Variants in FAF1 observed in about 807,000 individuals in gnomAD.
FAF1 encodes the protein FAS-associated factor 1.
A neutral mutation model predicts 92.5 loss-of-function variants in FAF1; 25 were observed. The observed-to-expected ratio is 0.27, with a 90% confidence interval of 0.20 to 0.38. The LOEUF is 0.38. Among genes scored for constraint, FAF1 ranks in the 10% least tolerant of loss-of-function variants. The pLI, the probability that FAF1 is intolerant of heterozygous loss-of-function variation, is 1.00. For missense variants in FAF1, 636 were observed against 793.3 expected (o/e 0.80, Z 2.38); for synonymous variants, 234 against 273.2 (o/e 0.86, Z 1.42).
intron 12 of FAF1, among the ~76,000 whole-genome samples, chr1:50,568,245 T>C (rs998794894): frequency 6.6e-6 from 1 of 152,140 alleles, no homozygotes; most frequent in African/African-American, 2.4e-5. Flanking sequence ...AAACCAATCT[T>C]TGAAATTCTG....
In FAF1 at chr1:50,475,628, T is replaced by C; in HGVS notation, c.1705A>G (p.Asn569Asp). 6.2e-7 allele frequency: 1 copy of C among 1,614,058 alleles called. No homozygotes were observed. Among genetic ancestry groups the C allele is most frequent in the Non-Finnish European group, 8.5e-7 (1 of 1,179,986 alleles). Reference sequence around the variant, plus strand: ...CGCAGTTTGCTCACAGGCTCAGCATTTTCTTCCTTTGGCTCAGGAGGCAGG... The same window carrying C: ...CGCAGTTTGCTCACAGGCTCAGCATCTTCTTCCTTTGGCTCAGGAGGCAGG... ...QALPPEPKEE[N>D]AEPVSKLRIR... Residue 569 changes from asparagine (N) to aspartate (D), a missense_variant, in exon 18 of 19, where the codon AAT (asparagine) becomes GAT (aspartate). This residue lies in a region of FAF1 where 319 missense variants were observed against 451.0 expected (regional missense o/e 0.71). Coordinates refer to ENST00000396153, the MANE Select transcript of FAF1 (RefSeq NM_007051.3).
chr1:50,576,976 A>G (rs141960327), intron 12 of FAF1, among the ~76,000 whole-genome samples: 26 of 151,942 alleles, frequency 1.7e-4, no homozygotes, highest in Non-Finnish European at 3.4e-4. Flanking sequence ...CTAAAAACAG[A>G]TTTTAAATGT....
intron 3 of FAF1, among the ~76,000 whole-genome samples, chr1:50,799,241 T>G (rs1189035767): frequency 1.3e-5 from 2 of 152,258 alleles, no homozygotes; most frequent in Admixed American, 6.5e-5. Flanking sequence ...CTTCTATGCT[T>G]GTGAACTTGG....
chr1:50,669,320 A>G (rs1370021724), intron 7 of FAF1, among the ~76,000 whole-genome samples: 2 of 152,200 alleles, frequency 1.3e-5, no homozygotes, highest in Non-Finnish European at 2.9e-5. Flanking sequence ...AATTTACTTA[A>G]TAAGATAAAG....
intron 18 of FAF1, among the ~76,000 whole-genome samples, chr1:50,461,204 T>G (rs1646425235): frequency 6.6e-6 from 1 of 152,222 alleles, no homozygotes; most frequent in African/African-American, 2.4e-5. Flanking sequence ...AATAATATTC[T>G]AATTTCTTAA....
In FAF1 at chr1:50,650,892, A is replaced by C. The variant is rs116411807; in HGVS notation, c.744+4550T>G. On this transcript the variant is annotated intron_variant, in intron 8 of 18. Transcript: ENST00000396153. ...CATGAAAACATTTTCCTACTGGTAA[A>C]GCTTTAGATACCTATTTCCCTGATC... Among the ~76,000 whole-genome samples the C allele has an allele frequency of 9.9e-3, 1,511 of 152,298 alleles. 23 individuals carry two copies. Among genetic ancestry groups the C allele is most frequent in the African/African-American group, 0.034 (1,432 of 41,540 alleles).
At position 50,740,834 on chromosome 1, in the gene FAF1, A is replaced by AAC. The variant is rs147632431; in HGVS notation, c.460-1882_460-1881dup. Among the ~76,000 whole-genome samples, 1,262 of 150,918 alleles carry AAC rather than the reference A, an allele frequency of 8.4e-3. 4 individuals are homozygous for AAC. The highest frequency in any genetic ancestry group is 0.024 in the Middle Eastern group (7 of 292). On this transcript the variant is annotated intron_variant, in intron 5 of 18. Transcript: ENST00000396153. ...ATCTCTATAGAGTTAACATGCAAAC[A>AAC]ACACACACACACACACACAAATTAT...
chr1:50,918,111 A>G (rs1644933981), intron 1 of FAF1, among the ~76,000 whole-genome samples: 1 of 151,916 alleles, frequency 6.6e-6, no homozygotes, highest in African/African-American at 2.4e-5. Flanking sequence ...CCCTGCCTAT[A>G]TAATTATTAA....
intron 1 of FAF1, among the ~76,000 whole-genome samples, chr1:50,945,140 C>T (rs576045029): frequency 6.6e-6 from 1 of 152,170 alleles, no homozygotes; most frequent in Admixed American, 6.5e-5. Flanking sequence ...AATACCTTGA[C>T]AATCAGTTCA....
At chr1:50,515,844 C>A (rs567955300) in intron 15 of FAF1, among the ~76,000 whole-genome samples, 5 of 152,236 alleles carry the variant, frequency 3.3e-5, no homozygotes, top group Non-Finnish European at 4.4e-5. Context: ...TTCTTTCCCA[C>A]ATATCCCAAG....
At chr1:50,527,495 A>G (rs1202945877) in intron 15 of FAF1, among the ~76,000 whole-genome samples, 1 of 152,116 alleles carries the variant, frequency 6.6e-6, no homozygotes, top group Non-Finnish European at 1.5e-5. Context: ...AACAGTACTG[A>G]TTCTGCCTCA....
chr1:50,819,879 A>ATATATGTAAATATATTTATATATT (rs1553143058), intron 2 of FAF1, among the ~76,000 whole-genome samples: 1 of 145,420 alleles, frequency 6.9e-6, no homozygotes, highest in Non-Finnish European at 1.5e-5. Context: ...TTATTTATTT[A>ATATATGTAAATATATTTATATATT]TATATGTAAA....
chr1:50,648,881 G>A (rs559506274), intron 8 of FAF1, among the ~76,000 whole-genome samples: 37 of 152,300 alleles, frequency 2.4e-4, no homozygotes, highest in South Asian at 2.1e-4. Context: ...AGCCAAGATC[G>A]TGCCATTGCA....
intron 5 of FAF1, among the ~76,000 whole-genome samples, chr1:50,740,022 C>T: frequency 8.9e-6 from 1 of 112,242 alleles, no homozygotes; most frequent in Non-Finnish European, 1.8e-5. Context: ...CCAGGAAATG[C>T]ACTTATCAAC....
intron 7 of FAF1, among the ~76,000 whole-genome samples, chr1:50,661,473 G>A (rs1199080690): frequency 6.6e-6 from 1 of 151,970 alleles, no homozygotes; most frequent in African/African-American, 2.4e-5. Context: ...AGATACTATC[G>A]CACATCATAG....
intron 5 of FAF1, among the ~76,000 whole-genome samples, chr1:50,740,947 C>G (rs948956923): frequency 1.3e-5 from 2 of 152,146 alleles, no homozygotes; most frequent in Non-Finnish European, 2.9e-5. Context: ...TTCCATGCCA[C>G]TATCCAAAGA....
chr1:50,736,843 C>T (rs1659160901), intron 6 of FAF1, among the ~76,000 whole-genome samples: 1 of 151,958 alleles, frequency 6.6e-6, no homozygotes, highest in South Asian at 2.1e-4. Context: ...ATAATTATTA[C>T]CATCAACTTT....
chr1:50,710,665 C>T lies in FAF1; in HGVS notation c.552-4774G>A, dbSNP rs368756215. The stretch of plus-strand genomic sequence containing the variant: ...TCACCCAGGCTGGAGTGCAGTGGTG[C>T]GACCTCGGCTCACTGAAACCTCTGC... On this transcript the variant is annotated intron_variant, in intron 6 of 18. Transcript: ENST00000396153. Among the ~76,000 whole-genome samples, 23 of 151,300 alleles carry T rather than the reference C, an allele frequency of 1.5e-4. No homozygotes were observed. The East Asian group carries it at 2.5e-3, about 17-fold the overall frequency.
intron 8 of FAF1, among the ~76,000 whole-genome samples, chr1:50,628,545 T>C (rs1653615456): frequency 6.6e-6 from 1 of 152,218 alleles, no homozygotes; most frequent in African/African-American, 2.4e-5. Context: ...TAGTAAACCC[T>C]TGGCTAACAG....
Sources: gnomAD v4.1 joint callset for allele counts (sites outside exome capture counted in the v4.1 genomes callset) on GRCh38, gnomAD v4.1.1 for gene constraint, gnomAD v4.1.1 regional missense constraint, MANE v1.5 for transcripts, NCBI Gene and HGNC (gene_info 2026-07-23, HGNC 2026-07-21) for gene names.